The following OCA2 variants were observed in gnomAD, a reference collection of about 807,000 sequenced individuals.
OCA2 encodes the protein P protein.
Under a neutral mutation model 100.2 loss-of-function variants are expected in OCA2, and 77 were observed. The observed-to-expected ratio is 0.77, with a 90% CI of 0.64 to 0.93. The LOEUF is 0.93. Ranked by LOEUF, OCA2 falls within the 40% of genes least tolerant of loss-of-function variation. The pLI is 0.00. For synonymous variants in OCA2, 432 were observed against 439.2 expected (o/e 0.98, Z 0.21); for missense variants, 1,062 against 1,089.1 (o/e 0.98, Z 0.35).
At chr15:27,810,542 A>G (rs2034035359) in intron 23 of OCA2, among the ~76,000 whole-genome samples, 2 of 152,226 alleles carry the variant, frequency 1.3e-5, no homozygotes, top group Admixed American at 6.5e-5. Flanking sequence ...CTGTACAGCA[A>G]AAGAAGTAAT....
At chr15:28,052,607 A>T (rs190869497) in intron 2 of OCA2, among the ~76,000 whole-genome samples, 30 of 152,320 alleles carry the variant, frequency 2.0e-4, no homozygotes, top group Non-Finnish European at 3.4e-4. Context: ...CCCCCAAAAT[A>T]ATTCCACCCC....
chr15:28,005,864 CAT>C (rs1213563332), intron 9 of OCA2, among the ~76,000 whole-genome samples: 1 of 152,190 alleles, frequency 6.6e-6, no homozygotes, highest in Non-Finnish European at 1.5e-5. Flanking sequence ...ATGATGAAAA[CAT>C]AGAGCCAGAC....
intron 19 of OCA2, among the ~76,000 whole-genome samples, chr15:27,876,356 T>C (rs1449411351): frequency 6.6e-6 from 1 of 152,084 alleles, no homozygotes; most frequent in Non-Finnish European, 1.5e-5. Context: ...AGCATTTGAT[T>C]TGATATCTTG....
chr15:27,902,896 G>A (rs560888647), intron 19 of OCA2, among the ~76,000 whole-genome samples: 6 of 152,212 alleles, frequency 3.9e-5, no homozygotes, highest in African/African-American at 7.2e-5. Flanking sequence ...ACGCACACGC[G>A]CGTCCCTAGC....
chr15:27,926,906 G>A (rs1017496234), intron 18 of OCA2, among the ~76,000 whole-genome samples: 4 of 152,078 alleles, frequency 2.6e-5, no homozygotes, highest in African/African-American at 9.7e-5. Context: ...AAGCCACCAT[G>A]CCCCACCTGT....
chr15:28,019,381 G>C (rs889687219), intron 6 of OCA2, among the ~76,000 whole-genome samples: 7 of 152,026 alleles, frequency 4.6e-5, no homozygotes, highest in Admixed American at 3.9e-4. Flanking sequence ...GGTTGTAGAG[G>C]TTTGCTGGCT....
intron 3 of OCA2, among the ~76,000 whole-genome samples, chr15:28,028,747 G>A (rs368309186): frequency 1.2e-3 from 176 of 152,190 alleles, no homozygotes; most frequent in African/African-American, 3.9e-3. Context: ...GTGCAGTGGC[G>A]CAATTTCAGC....
chr15:28,083,320 A>G (rs566301002), intron 1 of OCA2, among the ~76,000 whole-genome samples: 2 of 152,316 alleles, frequency 1.3e-5, no homozygotes, highest in African/African-American at 4.8e-5. Context: ...GAAAAACATG[A>G]CATTCGAAGA....
At chr15:28,080,016 A>G (rs1290942342) in intron 2 of OCA2, among the ~76,000 whole-genome samples, 1 of 152,204 alleles carries the variant, frequency 6.6e-6, no homozygotes, top group African/African-American at 2.4e-5. Context: ...AACATATGCA[A>G]CATATGCTCT....
chr15:27,968,394 T>C lies in OCA2; in HGVS notation c.1504-1572A>G, dbSNP rs1310362787. Among the ~76,000 whole-genome samples the C allele has an allele frequency of 2.6e-5, 4 of 152,306 alleles. No individual in the cohort carries two copies. The East Asian group carries it at 7.7e-4, about 29-fold the overall frequency. ...GGACCACGGGCAGTCCAGCTCTGCC[T>C]TGGGACCCTTAGGAACCTCTTACAT... On this transcript the variant is annotated intron_variant, in intron 14 of 23. Transcript: ENST00000354638.
chr15:27,884,548 C>T (rs929916803), intron 19 of OCA2, among the ~76,000 whole-genome samples: 9 of 152,238 alleles, frequency 5.9e-5, no homozygotes, highest in African/African-American at 2.2e-4. Context: ...TGTTTATATG[C>T]CTGGCAGAAA....
chr15:27,938,030 C>A (rs969042146), intron 18 of OCA2, among the ~76,000 whole-genome samples: 12 of 152,166 alleles, frequency 7.9e-5, no homozygotes, highest in Admixed American at 7.8e-4. Context: ...CTAGTGATTG[C>A]ATGTTATGCA....
intron 19 of OCA2, among the ~76,000 whole-genome samples, chr15:27,876,269 A>T (rs1372144981): frequency 6.6e-6 from 1 of 152,098 alleles, no homozygotes; most frequent in African/African-American, 2.4e-5. Context: ...AAATTATACT[A>T]ATTATTGAAT....
intron 23 of OCA2, among the ~76,000 whole-genome samples, chr15:27,800,450 G>C (rs781746914): frequency 6.6e-6 from 1 of 152,054 alleles, no homozygotes; most frequent in Admixed American, 6.6e-5. Context: ...TATCAAGAAT[G>C]ATCAGAAAAA....
intron 15 of OCA2, among the ~76,000 whole-genome samples, chr15:27,962,588 G>A (rs1426079760): frequency 6.6e-6 from 1 of 152,186 alleles, no homozygotes; most frequent in African/African-American, 2.4e-5. Context: ...TTCTTCTACT[G>A]TATGTTAGGT....
At chr15:28,099,072 C>T (rs2045037539) in intron 1 of OCA2, 152 bp downstream of exon 1, 1 of 155,758 alleles carries the variant, frequency 6.4e-6, no homozygotes, top group Non-Finnish European at 1.4e-5. Flanking sequence ...TCGGCTCCGT[C>T]GCACCCGTCT....
chr15:27,975,401 A>C (rs1416217759), intron 14 of OCA2, among the ~76,000 whole-genome samples: 2 of 152,218 alleles, frequency 1.3e-5, no homozygotes, highest in African/African-American at 4.8e-5. Flanking sequence ...GTTTTCCACT[A>C]GAAATTAAGG....
intron 19 of OCA2, among the ~76,000 whole-genome samples, chr15:27,890,255 A>G (rs1000401285): frequency 2.0e-5 from 3 of 152,154 alleles, no homozygotes; most frequent in African/African-American, 7.2e-5. Flanking sequence ...TACTAGAAGG[A>G]TAAAAGAATT....
intron 2 of OCA2, among the ~76,000 whole-genome samples, chr15:28,053,725 ACT>A (rs1376521648): frequency 6.6e-6 from 1 of 151,990 alleles, no homozygotes; most frequent in African/African-American, 2.4e-5. Flanking sequence ...ACAAGACCAC[ACT>A]CTCTGCTCTT....
Sources: gnomAD v4.1 joint callset for allele counts (sites outside exome capture counted in the v4.1 genomes callset) on GRCh38, gnomAD v4.1.1 for gene constraint, MANE v1.5 for transcripts, NCBI Gene and HGNC (gene_info 2026-07-23, HGNC 2026-07-21) for gene names.